Variants in IL1RAP observed in about 807,000 individuals in gnomAD.
The protein encoded by IL1RAP is interleukin-1 receptor accessory protein.
IL1RAP carries 35 observed loss-of-function variants against 60.7 expected under a neutral mutation model. The ratio of observed to expected loss-of-function variants is 0.58; its 90% CI spans 0.44 to 0.76. The LOEUF is 0.76. Ranked by LOEUF, IL1RAP falls within the 30% of genes least tolerant of loss-of-function variation. The probability of loss-of-function intolerance (pLI) is 0.00; values close to 1 mark genes in which losing one functional copy is unlikely to be tolerated. For missense variants in IL1RAP, 572 were observed against 693.9 expected (o/e 0.82, Z 1.97); for synonymous variants, 268 against 250.9 (o/e 1.07, Z -0.64).
chr3:190,616,664 C>A (rs528300709), intron 5 of IL1RAP, among the ~76,000 whole-genome samples: 1 of 152,150 alleles, frequency 6.6e-6, no homozygotes, highest in East Asian at 1.9e-4. Context: ...CAATTAAACT[C>A]TTTGTATCTT....
At chr3:190,631,022 T>C (rs150499393) in intron 9 of IL1RAP, among the ~76,000 whole-genome samples, 158 of 152,330 alleles carry the variant, frequency 1.0e-3, no homozygotes, top group African/African-American at 3.7e-3. Flanking sequence ...GCTTTTATCA[T>C]CAAATAAGTA....
chr3:190,514,937 A>C (rs1721381100), intron 1 of IL1RAP, among the ~76,000 whole-genome samples: 1 of 152,176 alleles, frequency 6.6e-6, no homozygotes, highest in African/African-American at 2.4e-5. Context: ...CTAAATACTG[A>C]GAGGGAGCAA....
chr3:190,530,747 G>A (rs1046133748), intron 1 of IL1RAP, among the ~76,000 whole-genome samples: 9 of 152,178 alleles, frequency 5.9e-5, no homozygotes, highest in South Asian at 2.1e-4. Context: ...TACTTATTAC[G>A]TAGTAAATTA....
intron 10 of IL1RAP, among the ~76,000 whole-genome samples, chr3:190,645,151 C>T (rs377594118): frequency 6.6e-5 from 10 of 152,200 alleles, no homozygotes; most frequent in African/African-American, 2.2e-4. Flanking sequence ...TAGGTCCACC[C>T]CATAAAGATT....
At chr3:190,541,964 T>G (rs1280838064) in intron 1 of IL1RAP, among the ~76,000 whole-genome samples, 1 of 152,160 alleles carries the variant, frequency 6.6e-6, no homozygotes, top group African/African-American at 2.4e-5. Flanking sequence ...ACCTTGAATG[T>G]GGTGCACCCA....
chr3:190,629,340 C>A lies in IL1RAP; in HGVS notation c.903-10C>A. On this transcript the variant is annotated splice_polypyrimidine_tract_variant and intron_variant, in intron 8 of 11. Coordinates refer to ENST00000447382, the MANE Select transcript of IL1RAP (RefSeq NM_002182.4). ...CTCAAATGCTTTGATTTTCTTCTCT[C>A]TATTTCTAGTATAAGTCATAGTAGA... 6.3e-7 allele frequency: 1 copy of A among 1,577,442 alleles called. No individual in the cohort carries two copies.
At chr3:190,640,584 G>T (rs1733583269) in intron 9 of IL1RAP, among the ~76,000 whole-genome samples, 1 of 152,298 alleles carries the variant, frequency 6.6e-6, no homozygotes, top group East Asian at 1.9e-4. Context: ...GGGTTCTGTG[G>T]CAGGGAACAC....
chr3:190,586,074 C>T (rs1234755811), intron 3 of IL1RAP, among the ~76,000 whole-genome samples: 4 of 152,164 alleles, frequency 2.6e-5, no homozygotes, highest in Non-Finnish European at 5.9e-5. Context: ...GCATTTTTTC[C>T]AGACTTAAAT....
intron 5 of IL1RAP, among the ~76,000 whole-genome samples, chr3:190,610,455 A>G (rs1310792477): frequency 6.6e-6 from 1 of 151,978 alleles, no homozygotes; most frequent in Non-Finnish European, 1.5e-5. Context: ...TCACAGAATA[A>G]AAAACACAAT....
intron 3 of IL1RAP, among the ~76,000 whole-genome samples, chr3:190,576,595 A>T (rs1727472833): frequency 6.6e-6 from 1 of 152,146 alleles, no homozygotes; most frequent in Admixed American, 6.5e-5. Context: ...CCAGCCTAGC[A>T]TTGGTCAGGA....
intron 3 of IL1RAP, among the ~76,000 whole-genome samples, chr3:190,565,645 A>G (rs1726319145): frequency 6.6e-6 from 1 of 152,166 alleles, no homozygotes; most frequent in Non-Finnish European, 1.5e-5. Flanking sequence ...AGATAACCGG[A>G]GATGTTATTC....
At chr3:190,622,310 C>G (rs1731847592) in intron 6 of IL1RAP, among the ~76,000 whole-genome samples, 1 of 152,104 alleles carries the variant, frequency 6.6e-6, no homozygotes, top group Non-Finnish European at 1.5e-5. Context: ...ATGCTCAAAA[C>G]ACTTTTGTCA....
At chr3:190,627,234 T>C in intron 7 of IL1RAP, 89 bp from the exon 8 acceptor site, 3 of 1,131,916 alleles carry the variant, frequency 2.7e-6, no homozygotes, top group Non-Finnish European at 3.7e-6. Flanking sequence ...TAAACACTAA[T>C]GGGCTAACTT....
At chr3:190,627,499 A>G (rs755249523) in intron 8 of IL1RAP, 50 bp downstream of exon 8, 2 of 1,562,886 alleles carry the variant, frequency 1.3e-6, no homozygotes, top group South Asian at 1.2e-5. Context: ...TCTCAACTTA[A>G]TGATCTCTGA....
rs977952898 is a variant in IL1RAP, at chr3:190,648,842, C to G, written c.*137C>G. 35 of 1,431,262 alleles carry G rather than the reference C, an allele frequency of 2.4e-5. No homozygotes were observed. Among genetic ancestry groups the G allele is most frequent in the Non-Finnish European group, 3.2e-5 (35 of 1,093,486 alleles). 88.7% of individuals were successfully genotyped at this position (1,431,262 alleles called of 1,614,324 possible). A position where few individuals can be genotyped will look rare whatever the true frequency, so the allele number is the denominator to read the frequency against. ...CCCAATAGGGATAAATTTAGGGTGA[C>G]TGTGTGGCTGACTATTCTGCTTCCT... On this transcript the variant is annotated 3_prime_UTR_variant, in exon 12 of 12. Transcript: ENST00000447382.
chr3:190,581,845 C>T (rs1728023992), intron 3 of IL1RAP, among the ~76,000 whole-genome samples: 1 of 151,938 alleles, frequency 6.6e-6, no homozygotes. Context: ...ACAAATAGTC[C>T]CTGTTCCTTT....
Position 190,588,652 on chromosome 3 carries a change from C to G in IL1RAP, c.65-15476C>G, listed in dbSNP as rs376687655. 5.3e-5 allele frequency among the ~76,000 whole-genome samples: 8 copies of G among 152,268 alleles called. No individual in the cohort carries two copies. The East Asian group carries it at 1.4e-3, about 26-fold the overall frequency. ...ACTGTGAGTTATTTTCCTGGTCTTT[C>G]ATCTATTTTTCTAAATTTGATTTTT... On this transcript the variant is annotated intron_variant, in intron 3 of 11. Transcript: ENST00000447382.
chr3:190,658,763 T>G (rs984324636), exon 12 of IL1RAP: 2 of 152,120 alleles, frequency 1.3e-5, no homozygotes, highest in African/African-American at 4.8e-5. Context: ...TCTCAGAAGA[T>G]CCTTTCTTTG....
intron 3 of IL1RAP, among the ~76,000 whole-genome samples, chr3:190,582,090 T>C (rs981864938): frequency 4.6e-5 from 7 of 152,218 alleles, no homozygotes; most frequent in Non-Finnish European, 5.9e-5. Context: ...ACTTAACCTC[T>C]CAGAATCTGT....
Sources: allele counts gnomAD v4.1 joint callset (sites outside exome capture counted in the v4.1 genomes callset), GRCh38; gene constraint gnomAD v4.1.1; transcripts MANE v1.5; gene names NCBI Gene and HGNC (gene_info 2026-07-23, HGNC 2026-07-21).